The following RNF151 variants were observed in gnomAD, a reference collection of about 807,000 sequenced individuals.
RNF151 encodes the protein ring finger protein 151.
A neutral mutation model predicts 11.1 loss-of-function variants in RNF151; 9 were observed. The observed-to-expected ratio is 0.81, with a 90% confidence interval of 0.49 to 1.42. The LOEUF is 1.42. Ranked by LOEUF, RNF151 falls within the 40% of genes most tolerant of loss-of-function variation. RNF151 has a pLI of 0.00. For missense variants in RNF151, 372 were observed against 342.9 expected (o/e 1.08, Z -0.67); for synonymous variants, 172 against 140.7 (o/e 1.22, Z -1.58).
At chr16:1,967,064 G>GC (rs765891330) in intron 1 of RNF151, among the ~76,000 whole-genome samples, 180 bp downstream of exon 1, 1 of 152,146 alleles carries the variant, frequency 6.6e-6, no homozygotes. Flanking sequence ...CCAGGCTAAG[G>GC]CCCCCGTCTC....
intron 2 of RNF151, 27 bp from the exon 3 acceptor site, chr16:1,967,698 C>G: frequency 6.4e-7 from 1 of 1,568,374 alleles, no homozygotes; most frequent in Non-Finnish European, 8.7e-7. Flanking sequence ...ACTCCCAACA[C>G]TCACCCCTAC....
intron 3 of RNF151, 111 bp from the exon 4 acceptor site, chr16:1,968,322 GA>G: frequency 7.4e-7 from 1 of 1,354,042 alleles, no homozygotes; most frequent in South Asian, 1.5e-5. Context: ...ACCAGAGTCA[GA>G]AAAGCGTGGG....
At position 1,968,766 on chromosome 16, in the gene RNF151, C is replaced by T. The variant is rs1481193192; in HGVS notation, c.579C>T (p.Thr193=). Residue 193 remains threonine, a synonymous_variant, in exon 4 of 4, where the codon ACC becomes ACT. Transcript: ENST00000569714. ...LRRVRWLDQA[T]SVVRRELAEL... Reference sequence around the variant, plus strand: ...GTGTGCGCTGGCTGGACCAAGCCACCAGTGTCGTTCGTAGAGAGCTGGCGG... The same window carrying T: ...GTGTGCGCTGGCTGGACCAAGCCACTAGTGTCGTTCGTAGAGAGCTGGCGG... 1.3e-6 allele frequency: 2 copies of T among 1,585,768 alleles called. No individual in the cohort carries two copies.
chr16:1,966,973 A>C, intron 1 of RNF151, 89 bp downstream of exon 1: 1 of 1,433,114 alleles, frequency 7.0e-7, no homozygotes, highest in South Asian at 1.4e-5. Flanking sequence ...ACCCCACTCC[A>C]CTCGGAAAGG....
At position 1,968,809 on chromosome 16, in the gene RNF151, G is replaced by A. The variant is rs1209865209; in HGVS notation, c.622G>A (p.Glu208Lys). The A allele has an allele frequency of 8.2e-6, 13 of 1,593,864 alleles. 1 individual carries two copies. The South Asian group carries it at 1.0e-4, about 13-fold the overall frequency. Residue 208 changes from glutamate to lysine, a missense_variant, in exon 4 of 4, where the codon GAG (glutamate) becomes AAG (lysine). Physicochemically the swap from Glu to Lys is moderately conservative, Grantham distance 56. Coordinates refer to ENST00000569714, the MANE Select transcript of RNF151 (RefSeq NM_174903.6). ...GCTGGCGGAGCTCAGCAACTTCCTG[G>A]AGGAAGACACCGCTCTGCTGGAGGG... ...RELAELSNFL[E>K]EDTALLEGAP... is the part of the protein sequence containing the mutation.
In RNF151 at chr16:1,968,584, C is replaced by T. The variant is rs2083332950; in HGVS notation, c.397C>T (p.His133Tyr). 1.3e-6 allele frequency: 2 copies of T among 1,596,814 alleles called. No individual in the cohort carries two copies. The highest frequency in any genetic ancestry group is 1.7e-6 in the Non-Finnish European group (2 of 1,172,716). Residue 133 changes from histidine to tyrosine, a missense_variant, in exon 4 of 4, where the codon CAT (histidine) becomes TAT (tyrosine). His to Tyr is a moderately conservative substitution (Grantham distance 83). Coordinates refer to ENST00000569714, the MANE Select transcript of RNF151 (RefSeq NM_174903.6). ...TGGGACCCTGGCAGAGCACCGGCAG[C>T]ATTGCCAGCAAGGGTCCCAGCAGCG... ...PRGTLAEHRQ[H>Y]CQQGSQQRCP...
In RNF151 at chr16:1,967,344, G is replaced by A; in HGVS notation, c.74G>A (p.Gly25Glu). The A allele has an allele frequency of 1.2e-6, 2 of 1,613,718 alleles. No individual in the cohort carries two copies. The highest frequency in any genetic ancestry group is 1.7e-6 in the Non-Finnish European group (2 of 1,179,862). The change falls in exon 2 of 4, where the codon GGG becomes GAG. Residue 25 changes from glycine (G) to glutamate (E), a missense_variant. Gly to Glu is a moderately conservative substitution (Grantham distance 98, BLOSUM62 -2). Transcript: ENST00000569714. Reference sequence around the variant, plus strand: ...AACTTCGTGTGCTCCGTCTGCCATGGGGTTCTCAAGAGGCCAGCAAGGTTG... The same window carrying A: ...AACTTCGTGTGCTCCGTCTGCCATGAGGTTCTCAAGAGGCCAGCAAGGTTG... Reference protein sequence around the residue: ...DSNFVCSVCHGVLKRPARLPC... With the variant: ...DSNFVCSVCHEVLKRPARLPC...
rs1371745530 is a variant in RNF151, at chr16:1,967,361, G to C, written c.91G>C (p.Ala31Pro). ...CTGCCATGGGGTTCTCAAGAGGCCA[G>C]CAAGGTTGCCATGCAGCCACATCTT... ...SVCHGVLKRP[A>P]RLPCSHIFCK... The change falls in exon 2 of 4, where the codon GCA (alanine) becomes CCA (proline). Residue 31 changes from alanine to proline, a missense_variant. Transcript: ENST00000569714. The C allele has an allele frequency of 2.5e-6, 4 of 1,613,658 alleles. No homozygotes were observed. The African/African-American group carries it at 4.0e-5, about 16-fold the overall frequency.
chr16:1,968,207 T>C (rs1848481732), intron 3 of RNF151, among the ~76,000 whole-genome samples: 1 of 152,178 alleles, frequency 6.6e-6, no homozygotes, highest in South Asian at 2.1e-4. Context: ...CCAACCCAAC[T>C]GTGTACCTTC....
intron 3 of RNF151, among the ~76,000 whole-genome samples, chr16:1,968,157 G>A (rs945363672): frequency 6.6e-6 from 1 of 152,172 alleles, no homozygotes; most frequent in Admixed American, 6.5e-5. Flanking sequence ...GGTAAACCGA[G>A]GTTAAAAAGG....
At chr16:1,967,647 C>T in intron 2 of RNF151, 78 bp from the exon 3 acceptor site, 2 of 1,230,244 alleles carry the variant, frequency 1.6e-6, no homozygotes, top group East Asian at 2.5e-5. Context: ...GAAGGGACCA[C>T]CTGGGTCACC....
chr16:1,968,556 G>A lies in RNF151; in HGVS notation c.369G>A (p.Pro123=), dbSNP rs549557235. 5.5e-5 allele frequency: 89 copies of A among 1,608,428 alleles called. No individual in the cohort carries two copies. The highest frequency in any genetic ancestry group is 7.0e-5 in the Non-Finnish European group (83 of 1,178,148). ...ACGAGGGCTGCACCTCGCAGGTGCC[G>A]CGTGGGACCCTGGCAGAGCACCGGC... ...CPNEGCTSQV[P]RGTLAEHRQH... Residue 123 remains proline, a synonymous_variant, in exon 4 of 4, where the codon CCG becomes CCA. Coordinates refer to ENST00000569714, the MANE Select transcript of RNF151 (RefSeq NM_174903.6).
At position 1,968,866 on chromosome 16, in the gene RNF151, G is replaced by A. The variant is rs943159748; in HGVS notation, c.679G>A (p.Glu227Lys). Residue 227 changes from glutamate (E) to lysine (K), a missense_variant, in exon 4 of 4, where the codon GAA becomes AAA. Coordinates refer to ENST00000569714, the MANE Select transcript of RNF151 (RefSeq NM_174903.6). ...APQEEAEAAP[E>K]GNVGAEVVGE... ...ACAGGAGGAGGCCGAGGCTGCCCCAGAAGGCAACGTTGGGGCTGAGGTGGT... is the reference window on the plus strand; with the variant it reads ...ACAGGAGGAGGCCGAGGCTGCCCCAAAAGGCAACGTTGGGGCTGAGGTGGT... 6.3e-7 allele frequency: 1 copy of A among 1,599,688 alleles called. No homozygotes were observed. The highest frequency in any genetic ancestry group is 1.3e-5 in the African/African-American group (1 of 74,702).
At chr16:1,967,199 G>A (rs1198864465) in intron 1 of RNF151, 75 bp from the exon 2 acceptor site, 36 of 1,530,278 alleles carry the variant, frequency 2.4e-5, no homozygotes, top group Non-Finnish European at 2.8e-5. Flanking sequence ...AAAGCTTGCT[G>A]GGCTCTCTTG....
At chr16:1,967,588 C>T (rs2083322846) in intron 2 of RNF151, 137 bp from the exon 3 acceptor site, 1 of 926,434 alleles carries the variant, frequency 1.1e-6, no homozygotes, top group South Asian at 1.5e-5. Context: ...GCCCCACCCT[C>T]AGAGCTGAGA....
intron 1 of RNF151, 49 bp from the exon 2 acceptor site, chr16:1,967,225 A>G (rs1415239846): frequency 6.3e-7 from 1 of 1,585,756 alleles, no homozygotes; most frequent in Non-Finnish European, 8.6e-7. Context: ...TATGTGGACC[A>G]GGGACTGGAT....
Position 1,966,876 on chromosome 16 carries a change from C to T in RNF151, c.-6C>T. On this transcript the variant is annotated 5_prime_UTR_variant, in exon 1 of 4. Transcript: ENST00000569714. ...GGCCTGTGGAGCTGCTGTCTAGACGCAGATCATGGTGAGCCTGGGGCCCTC... is the reference window on the plus strand; with the variant it reads ...GGCCTGTGGAGCTGCTGTCTAGACGTAGATCATGGTGAGCCTGGGGCCCTC... The T allele has an allele frequency of 6.4e-7, 1 of 1,574,538 alleles. No individual in the cohort carries two copies. The highest frequency in any genetic ancestry group is 8.6e-7 in the Non-Finnish European group (1 of 1,156,456).
At chr16:1,968,080 G>A (rs1419350560) in intron 3 of RNF151, 3 of 689,380 alleles carry the variant, frequency 4.4e-6, no homozygotes, top group Non-Finnish European at 5.3e-6. Context: ...AGATTACAGA[G>A]GATTTTTAGA....
intron 3 of RNF151, 93 bp from the exon 4 acceptor site, chr16:1,968,341 C>G: frequency 1.2e-5 from 17 of 1,418,396 alleles, no homozygotes; most frequent in Non-Finnish European, 1.6e-5. Context: ...GGGAGGCTCC[C>G]GGTTCCCTGG....
Sources: allele counts gnomAD v4.1 joint callset (sites outside exome capture counted in the v4.1 genomes callset), GRCh38; gene constraint gnomAD v4.1.1; transcripts MANE v1.5; gene names NCBI Gene and HGNC (gene_info 2026-07-23, HGNC 2026-07-21).